Variants in LRRC63 observed in about 807,000 individuals in gnomAD.
LRRC63 encodes leucine rich repeat containing 63.
Under a neutral mutation model 49.5 loss-of-function variants are expected in LRRC63, and 40 were observed. That is an observed-to-expected ratio of 0.81 (90% CI 0.63 to 1.05). The LOEUF (loss-of-function observed/expected upper bound fraction) is 1.05. Among genes scored for constraint, LRRC63 ranks in the 50% least tolerant of loss-of-function variants. LRRC63 has a pLI of 0.00. For missense variants in LRRC63, 636 were observed against 663.1 expected (o/e 0.96, Z 0.45); for synonymous variants, 191 against 221.1 (o/e 0.86, Z 1.21).
intron 5 of LRRC63, among the ~76,000 whole-genome samples, chr13:46,241,691 A>G (rs1457787763): frequency 6.6e-6 from 1 of 152,240 alleles, no homozygotes; most frequent in African/African-American, 2.4e-5. Flanking sequence ...AAAAGAAGAC[A>G]TACATGTGAT....
At chr13:46,225,325 C>T (rs764543705) in intron 2 of LRRC63, among the ~76,000 whole-genome samples, 8 of 152,212 alleles carry the variant, frequency 5.3e-5, no homozygotes, top group Admixed American at 4.6e-4. Context: ...CCATGTTACA[C>T]TGTGAGGTTG....
chr13:46,270,308 C>A (rs750231628), intron 9 of LRRC63: 13 of 842,254 alleles, frequency 1.5e-5, no homozygotes, highest in Non-Finnish European at 2.7e-5. Context: ...TAGCAGACTT[C>A]AGAACAAGGT....
At chr13:46,260,373 C>T (rs1286984243) in intron 7 of LRRC63, among the ~76,000 whole-genome samples, 2 of 152,130 alleles carry the variant, frequency 1.3e-5, no homozygotes, top group African/African-American at 4.8e-5. Flanking sequence ...CTTTGTTTTC[C>T]TAGTCAGTCT....
chr13:46,251,421 A>T (rs572219306), intron 7 of LRRC63, among the ~76,000 whole-genome samples: 1 of 152,074 alleles, frequency 6.6e-6, no homozygotes, highest in South Asian at 2.1e-4. Flanking sequence ...AGAATGTTAC[A>T]TATGGGTATT....
At chr13:46,219,536 G>C (rs1182097340) in intron 2 of LRRC63, among the ~76,000 whole-genome samples, 2 of 151,978 alleles carry the variant, frequency 1.3e-5, no homozygotes, top group African/African-American at 4.8e-5. Flanking sequence ...CCTTGCATTG[G>C]GTTAGATCAA....
At chr13:46,214,133 C>G (rs1160500114) in intron 2 of LRRC63, among the ~76,000 whole-genome samples, 1 of 152,110 alleles carries the variant, frequency 6.6e-6, no homozygotes, top group Non-Finnish European at 1.5e-5. Flanking sequence ...AGCATATTTT[C>G]TCATTTTCCC....
intron 2 of LRRC63, among the ~76,000 whole-genome samples, chr13:46,224,996 C>A (rs1020306423): frequency 6.6e-6 from 1 of 152,192 alleles, no homozygotes; most frequent in African/African-American, 2.4e-5. Flanking sequence ...CCTGTGTTGG[C>A]AGTTACTGGT....
At chr13:46,245,890 A>G (rs552440980) in intron 5 of LRRC63, among the ~76,000 whole-genome samples, 1 of 152,306 alleles carries the variant, frequency 6.6e-6, no homozygotes, top group South Asian at 2.1e-4. Context: ...CACACGTGTA[A>G]TACTACACTT....
intron 2 of LRRC63, among the ~76,000 whole-genome samples, chr13:46,221,241 A>C (rs1435949546): frequency 2.6e-5 from 4 of 152,332 alleles, no homozygotes; most frequent in African/African-American, 7.2e-5. Flanking sequence ...ACTTTGAAAG[A>C]AAAAAATGAT....
chr13:46,265,228 GGT>G (rs1259335095), intron 8 of LRRC63, among the ~76,000 whole-genome samples: 1 of 152,128 alleles, frequency 6.6e-6, no homozygotes, highest in African/African-American at 2.4e-5. Flanking sequence ...CAGCTAAACA[GGT>G]GTGTCCTCCG....
chr13:46,223,488 T>G (rs192804152), intron 2 of LRRC63, among the ~76,000 whole-genome samples: 20 of 151,580 alleles, frequency 1.3e-4, no homozygotes, highest in African/African-American at 4.8e-4. Context: ...TTTTTTGTTT[T>G]TTTTTTTTTT....
chr13:46,228,275 G>T, intron 3 of LRRC63, 86 bp downstream of exon 3: 1 of 1,051,790 alleles, frequency 9.5e-7, no homozygotes, highest in Non-Finnish European at 1.3e-6. Context: ...TACCCCTCCC[G>T]CTTTGGGTTT....
At chr13:46,258,323 G>A (rs182013785) in intron 7 of LRRC63, among the ~76,000 whole-genome samples, 5,605 of 149,992 alleles carry the variant, frequency 0.037, 213 homozygotes, top group East Asian at 0.14. Context: ...TAGAGACGGG[G>A]TTTCACCATA....
At chr13:46,222,600 T>C (rs2046438044) in intron 2 of LRRC63, among the ~76,000 whole-genome samples, 2 of 152,090 alleles carry the variant, frequency 1.3e-5, no homozygotes, top group African/African-American at 4.8e-5. Context: ...AGAACACTTT[T>C]ACACTGTTGG....
At chr13:46,247,097 G>A (rs913247645) in intron 6 of LRRC63, among the ~76,000 whole-genome samples, 19 of 152,128 alleles carry the variant, frequency 1.2e-4, no homozygotes, top group African/African-American at 4.6e-4. Context: ...ACCATTATGA[G>A]TGATTAGGAC....
chr13:46,272,427 A>C (rs772820660), intron 9 of LRRC63, among the ~76,000 whole-genome samples: 17 of 152,048 alleles, frequency 1.1e-4, no homozygotes, highest in Non-Finnish European at 2.1e-4. Flanking sequence ...CTGCAATGTA[A>C]AATAGCAACA....
chr13:46,273,016 C>T (rs1467740359), intron 9 of LRRC63, among the ~76,000 whole-genome samples: 1 of 152,104 alleles, frequency 6.6e-6, no homozygotes, highest in Non-Finnish European at 1.5e-5. Flanking sequence ...GTGTTTTTCT[C>T]TCTATATTTC....
At chr13:46,270,463 AG>A in intron 9 of LRRC63, 1 of 783,948 alleles carries the variant, frequency 1.3e-6, no homozygotes, top group East Asian at 2.4e-5. Context: ...ATTCTCCATA[AG>A]CCATCTATTC....
At chr13:46,261,695 A>G (rs1260789562) in intron 7 of LRRC63, among the ~76,000 whole-genome samples, 1 of 152,178 alleles carries the variant, frequency 6.6e-6, no homozygotes, top group Non-Finnish European at 1.5e-5. Context: ...GGCTTTGTCC[A>G]CTCCAAAAAT....
Sources: allele counts gnomAD v4.1 joint callset (sites outside exome capture counted in the v4.1 genomes callset), GRCh38; gene constraint gnomAD v4.1.1; transcripts MANE v1.5; gene names NCBI Gene and HGNC (gene_info 2026-07-23, HGNC 2026-07-21).